The following ZNF423 variants were observed in gnomAD, a reference collection of about 807,000 sequenced individuals.
ZNF423 encodes the protein Ebf-associated zinc finger protein.
ZNF423 carries 12 observed loss-of-function variants against 95.8 expected under a neutral mutation model. The observed-to-expected ratio is 0.13, with a 90% CI of 0.08 to 0.20. The LOEUF (loss-of-function observed/expected upper bound fraction) is 0.20, where lower values mean the gene tolerates loss of function less well. Among genes scored for constraint, ZNF423 ranks in the 10% least tolerant of loss-of-function variants. The pLI is 1.00. For synonymous variants in ZNF423, 749 were observed against 711.9 expected, an observed-to-expected ratio of 1.05 and a Z score of -0.83; for missense variants, 1,316 against 1,737.1, an observed-to-expected ratio of 0.76 and a Z score of 4.31.
At chr16:49,581,684 A>G (rs987978756) in intron 5 of ZNF423, among the ~76,000 whole-genome samples, 1 of 152,220 alleles carries the variant, frequency 6.6e-6, no homozygotes, top group African/African-American at 2.4e-5. Flanking sequence ...AGTGCCCCAG[A>G]GAGTCTCCCT....
At chr16:49,814,079 C>T (rs1450911969) in intron 1 of ZNF423, among the ~76,000 whole-genome samples, 2 of 152,206 alleles carry the variant, frequency 1.3e-5, no homozygotes, top group Non-Finnish European at 2.9e-5. Context: ...CCAGGGAAGG[C>T]GTGAGGTCGA....
chr16:49,592,896 A>G (rs1044240962), intron 5 of ZNF423, among the ~76,000 whole-genome samples: 7 of 152,224 alleles, frequency 4.6e-5, no homozygotes, highest in African/African-American at 1.4e-4. Flanking sequence ...TCTCACTGCC[A>G]TCCATAAACA....
intron 3 of ZNF423, among the ~76,000 whole-genome samples, chr16:49,694,319 G>C (rs563758820): frequency 5.3e-5 from 8 of 152,256 alleles, no homozygotes; most frequent in African/African-American, 1.7e-4. Flanking sequence ...AAAATAATCA[G>C]ATGTGTGGCG....
chr16:49,559,191 G>T (rs1177573369), intron 5 of ZNF423, among the ~76,000 whole-genome samples: 2 of 152,368 alleles, frequency 1.3e-5, no homozygotes, highest in East Asian at 3.9e-4. Context: ...TCCCAGAGAG[G>T]TCTACTGACT....
At chr16:49,529,236 C>T (rs1968746848) in intron 5 of ZNF423, among the ~76,000 whole-genome samples, 1 of 151,806 alleles carries the variant, frequency 6.6e-6, no homozygotes, top group Non-Finnish European at 1.5e-5. Context: ...CAGATTTCAC[C>T]TGCTGAAATT....
At chr16:49,822,652 A>G in intron 1 of ZNF423, 2 of 1,603,062 alleles carry the variant, frequency 1.2e-6, no homozygotes, top group South Asian at 1.1e-5. Context: ...CCCTCAGCCC[A>G]AGGCCTCCCC....
chr16:49,637,957 C>A lies in ZNF423; in HGVS notation c.1219G>T (p.Asp407Tyr). 1 of 1,614,144 alleles carries A rather than the reference C, an allele frequency of 6.2e-7. No individual in the cohort carries two copies. Among genetic ancestry groups the A allele is most frequent in the Non-Finnish European group, 8.5e-7 (1 of 1,180,040 alleles). ...KPLRGQKKMR[D>Y]DGQGWTKVVY... ...ACCTTGGTCCAGCCCTGCCCGTCAT[C>A]CCGCATCTTCTTCTGCCCCCGCAGC... is the stretch of plus-strand genomic sequence containing the variant. Residue 407 changes from aspartate to tyrosine, a missense_variant, in exon 4 of 8, where the codon GAT becomes TAT. Physicochemically the swap from Asp to Tyr is radical, Grantham distance 160 (BLOSUM62 -3). Transcript: ENST00000563137. This position sits in a 1 kb window ranked among gnomAD's most constrained non-coding sequence, Gnocchi z 5.6.
chr16:49,702,908 C>T (rs952458683), intron 3 of ZNF423, among the ~76,000 whole-genome samples: 14 of 107,026 alleles, frequency 1.3e-4, no homozygotes, highest in African/African-American at 3.0e-4. Flanking sequence ...TGTGTGCACA[C>T]GCACACACAC....
At chr16:49,491,537 T>C (rs1049331473) in intron 7 of ZNF423, among the ~76,000 whole-genome samples, 4 of 145,550 alleles carry the variant, frequency 2.7e-5, no homozygotes, top group South Asian at 2.2e-4. Context: ...TATGTTGTTT[T>C]TTGGCTTTTT....
chr16:49,788,476 A>G (rs1361506358), intron 2 of ZNF423, among the ~76,000 whole-genome samples: 1 of 152,270 alleles, frequency 6.6e-6, no homozygotes, highest in Non-Finnish European at 1.5e-5. Context: ...ACACATAACC[A>G]TGAAAACATT....
At chr16:49,806,206 T>A (rs553106436) in intron 1 of ZNF423, among the ~76,000 whole-genome samples, 1 of 152,318 alleles carries the variant, frequency 6.6e-6, no homozygotes, top group Non-Finnish European at 1.5e-5. Flanking sequence ...TGGAAGGTGG[T>A]GGAGCGGGGG....
chr16:49,550,594 G>A (rs529369442), intron 5 of ZNF423, among the ~76,000 whole-genome samples: 3 of 152,364 alleles, frequency 2.0e-5, no homozygotes, highest in South Asian at 2.1e-4. Context: ...TGCAGTCAAC[G>A]CCAACCCTAA....
At chr16:49,756,063 A>G (rs1469406535) in intron 2 of ZNF423, among the ~76,000 whole-genome samples, 1 of 152,210 alleles carries the variant, frequency 6.6e-6, no homozygotes, top group Non-Finnish European at 1.5e-5. Flanking sequence ...AGGTAGAAGA[A>G]ATAGGGAGCC....
At chr16:49,578,235 C>G (rs1970558164) in intron 5 of ZNF423, among the ~76,000 whole-genome samples, 1 of 152,238 alleles carries the variant, frequency 6.6e-6, no homozygotes, top group African/African-American at 2.4e-5. Flanking sequence ...CAACAAGCTC[C>G]CTCTCCCAAT....
intron 2 of ZNF423, among the ~76,000 whole-genome samples, chr16:49,755,514 G>A (rs1428944731): frequency 2.0e-5 from 3 of 152,024 alleles, no homozygotes; most frequent in South Asian, 4.2e-4. Flanking sequence ...ACCCTCTTTC[G>A]CTAATGAAAA....
intron 1 of ZNF423, among the ~76,000 whole-genome samples, chr16:49,816,362 C>T (rs1487993699): frequency 6.6e-6 from 1 of 152,144 alleles, no homozygotes; most frequent in African/African-American, 2.4e-5. Context: ...TGTCATTGAG[C>T]TAAAATGACA....
intron 5 of ZNF423, among the ~76,000 whole-genome samples, chr16:49,578,121 T>C (rs902475780): frequency 6.6e-6 from 1 of 152,214 alleles, no homozygotes; most frequent in African/African-American, 2.4e-5. Flanking sequence ...TCCAAGGCTT[T>C]TGAAGCCACA....
intron 3 of ZNF423, among the ~76,000 whole-genome samples, chr16:49,642,280 C>T (rs1015823945): frequency 2.0e-5 from 3 of 152,140 alleles, no homozygotes; most frequent in Admixed American, 6.5e-5. Context: ...AAGCCAGATG[C>T]CCCATTTAGT....
chr16:49,847,624 G>GC (rs2035259633), intron 1 of ZNF423: 1 of 66,722 alleles, frequency 1.5e-5, no homozygotes, highest in Admixed American at 1.4e-4. Flanking sequence ...ATACCCCCCC[G>GC]CCCCCCGCCG....
Sources: allele counts gnomAD v4.1 joint callset (sites outside exome capture counted in the v4.1 genomes callset), GRCh38; gene constraint gnomAD v4.1.1; non-coding constraint Gnocchi (gnomAD v3.1); transcripts MANE v1.5; gene names NCBI Gene and HGNC (gene_info 2026-07-23, HGNC 2026-07-21).